The following PDCD2 variants were observed in gnomAD, a reference collection of about 807,000 sequenced individuals.
The protein encoded by PDCD2 is programmed cell death 2.
In PDCD2, 38 loss-of-function variants were observed where a neutral mutation model predicts 38.1. The ratio of observed to expected loss-of-function variants is 1.00; its 90% CI spans 0.77 to 1.31. PDCD2 has a LOEUF of 1.31. Among genes scored for constraint, PDCD2 ranks in the 50% most tolerant of loss-of-function variants. PDCD2 has a pLI of 0.00. For missense variants in PDCD2, 473 were observed against 435.7 expected (o/e 1.09, Z -0.76); for synonymous variants, 205 against 168.9 (o/e 1.21, Z -1.66).
intron 3 of PDCD2, chr6:170,582,288 G>A (rs1435403864): frequency 2.0e-6 from 3 of 1,510,310 alleles, no homozygotes; most frequent in South Asian, 2.4e-5. Flanking sequence ...ACAAGGTCAG[G>A]CACAGAGTAA....
intron 1 of PDCD2, chr6:170,583,985 CA>C: frequency 1.8e-6 from 1 of 548,410 alleles, no homozygotes; most frequent in Non-Finnish European, 3.2e-6. Context: ...GAACGACTGC[CA>C]AAAATACGAA....
chr6:170,584,535 G>A lies in PDCD2; in HGVS notation c.47C>T (p.Ser16Leu), dbSNP rs1779755265. ...GCTGCGCAGTCGCCACGCCGGCGCC[G>A]ACTCGGCGAAGCCCAGCTCCACAGG... is the stretch of plus-strand genomic sequence containing the variant. ...ARPVELGFAE[S>L]APAWRLRSEQ... Residue 16 changes from serine (S) to leucine (L), a missense_variant, in exon 1 of 6, where the codon TCG becomes TTG. Physicochemically the swap from Ser to Leu is moderately radical, Grantham distance 145. Coordinates refer to ENST00000541970, the MANE Select transcript of PDCD2 (RefSeq NM_002598.4). The A allele has an allele frequency of 7.3e-7, 1 of 1,362,938 alleles. No individual in the cohort carries two copies. Among genetic ancestry groups the A allele is most frequent in the Non-Finnish European group, 9.4e-7 (1 of 1,059,962 alleles). The allele number at this position is 1,362,938 out of a possible 1,614,324, so 84.4% of individuals were successfully genotyped here. A position where few individuals can be genotyped will look rare whatever the true frequency, so the allele number is the denominator to read the frequency against.
At position 170,584,536 on chromosome 6, in the gene PDCD2, A is replaced by G. The variant is rs559964311; in HGVS notation, c.46T>C (p.Ser16Pro). The part of the protein sequence containing the change: ...ARPVELGFAE[S>P]APAWRLRSEQ... ...CTGCGCAGTCGCCACGCCGGCGCCGACTCGGCGAAGCCCAGCTCCACAGGC... is the reference window on the plus strand; with the variant it reads ...CTGCGCAGTCGCCACGCCGGCGCCGGCTCGGCGAAGCCCAGCTCCACAGGC... The change falls in exon 1 of 6, where the codon TCG becomes CCG. Residue 16 changes from serine (S) to proline (P), a missense_variant. By Grantham distance (74) the Ser-to-Pro change is moderately conservative. Coordinates refer to ENST00000541970, the MANE Select transcript of PDCD2 (RefSeq NM_002598.4). 27 of 1,362,138 alleles carry G rather than the reference A, an allele frequency of 2.0e-5. No homozygotes were observed. The highest frequency in any genetic ancestry group is 2.7e-4 in the Middle Eastern group (1 of 3,674). 84.4% of individuals were successfully genotyped at this position (1,362,138 alleles called of 1,614,324 possible).
Sources: gnomAD v4.1 joint callset for allele counts on GRCh38, gnomAD v4.1.1 for gene constraint, MANE v1.5 for transcripts, NCBI Gene and HGNC (gene_info 2026-07-23, HGNC 2026-07-21) for gene names.